The following NUF2 variants were observed in gnomAD, a reference collection of about 807,000 sequenced individuals.
The protein encoded by NUF2 is NUF2 component of NDC80 kinetochore complex, also known as kinetochore protein Nuf2.
Under a neutral mutation model 61.8 loss-of-function variants are expected in NUF2, and 34 were observed. That is an observed-to-expected ratio of 0.55 (90% CI 0.42 to 0.73). The LOEUF (loss-of-function observed/expected upper bound fraction) is 0.73, where lower values mean the gene tolerates loss of function less well. NUF2 is among the 30% of genes least tolerant of loss of function. The pLI, the probability that NUF2 is intolerant of heterozygous loss-of-function variation, is 0.00. For missense variants in NUF2, 445 were observed against 539.1 expected (o/e 0.83, Z 1.73); for synonymous variants, 172 against 181.6 (o/e 0.95, Z 0.42).
At chr1:163,353,421 T>C (rs1250995944) in intron 13 of NUF2, among the ~76,000 whole-genome samples, 1 of 152,212 alleles carries the variant, frequency 6.6e-6, no homozygotes, top group Non-Finnish European at 1.5e-5. Context: ...TCTTCTGTAT[T>C]GCTGAATACT....
chr1:163,344,235 A>T (rs1651044357), intron 10 of NUF2, among the ~76,000 whole-genome samples: 1 of 152,138 alleles, frequency 6.6e-6, no homozygotes, highest in Non-Finnish European at 1.5e-5. Flanking sequence ...TAAGGTATGC[A>T]TGTGTGTAGG....
chr1:163,336,626 G>A (rs1165316475), intron 5 of NUF2, 125 bp from the exon 6 acceptor site: 2 of 569,872 alleles, frequency 3.5e-6, no homozygotes, highest in Non-Finnish European at 6.2e-6. Flanking sequence ...TCTACACTTT[G>A]TTATATCCTA....
chr1:163,345,735 T>A lies in NUF2; in HGVS notation c.865T>A (p.Cys289Ser), dbSNP rs751231056. ...YGDSVDCLPS[C>S]QLEVQLYQKK... is the part of the protein sequence containing the mutation. ...AGACTCAGTTGACTGCCTGCCTTCA[T>A]GTCAGTTGGAAGTGCAGTTATATCA... The change falls in exon 11 of 14, where the codon TGT (cysteine) becomes AGT (serine). Residue 289 changes from cysteine to serine, a missense_variant. Physicochemically the swap from Cys to Ser is moderately radical, Grantham distance 112 (BLOSUM62 -1). Transcript: ENST00000271452. The A allele has an allele frequency of 1.2e-6, 2 of 1,612,162 alleles. No individual in the cohort carries two copies. Among genetic ancestry groups the A allele is most frequent in the Non-Finnish European group, 8.5e-7 (1 of 1,178,374 alleles).
intron 6 of NUF2, among the ~76,000 whole-genome samples, chr1:163,337,428 A>G (rs978416808): frequency 5.3e-5 from 8 of 152,118 alleles, no homozygotes; most frequent in Admixed American, 2.6e-4. Context: ...AAAACACCAG[A>G]GTAACTCCAA....
At chr1:163,330,047 G>T (rs567024955) in intron 5 of NUF2, among the ~76,000 whole-genome samples, 32 of 152,138 alleles carry the variant, frequency 2.1e-4, no homozygotes, top group Non-Finnish European at 3.4e-4. Flanking sequence ...AGGGAGGGAT[G>T]AATAGGATCC....
chr1:163,338,310 G>T (rs2101678546), intron 7 of NUF2, among the ~76,000 whole-genome samples: 1 of 147,806 alleles, frequency 6.8e-6, no homozygotes, highest in African/African-American at 2.5e-5. Flanking sequence ...GGCTTTTGTT[G>T]TTGTTGTTGT....
Position 163,355,658 on chromosome 1 carries a change from A to T in NUF2, c.*189A>T. On this transcript the variant is annotated 3_prime_UTR_variant, in exon 14 of 14. Transcript: ENST00000271452. ...GCTTTTATTAATTTATAATTAAAAT[A>T]ACTTGTGCAGCTATTCATGTCTCTA... 2.6e-6 allele frequency: 1 copy of T among 381,288 alleles called. No homozygotes were observed. The highest frequency in any genetic ancestry group is 4.7e-6 in the Non-Finnish European group (1 of 212,412). The allele number at this position is 381,288 out of a possible 1,614,324, so 23.6% of individuals were successfully genotyped here.
rs531983580 is a variant in NUF2, at chr1:163,336,127, G to A, written c.338-624G>A. 7.9e-5 allele frequency among the ~76,000 whole-genome samples: 12 copies of A among 151,952 alleles called. No individual in the cohort carries two copies. In the South Asian group the frequency reaches 2.5e-3, roughly 32 times the overall value. On this transcript the variant is annotated intron_variant, in intron 5 of 13. Coordinates refer to ENST00000271452, the MANE Select transcript of NUF2 (RefSeq NM_145697.3). ...TGGATCATGTCCTTTTTCTTGGCATGTCTGGTTATTTTTAGCAGATGCCAG... is the reference window on the plus strand; with the variant it reads ...TGGATCATGTCCTTTTTCTTGGCATATCTGGTTATTTTTAGCAGATGCCAG...
chr1:163,352,853 G>A (rs10917732), intron 13 of NUF2, among the ~76,000 whole-genome samples: 45,026 of 151,220 alleles, frequency 0.3, 6,868 homozygotes, highest in Middle Eastern at 0.43. Flanking sequence ...GCGACAGAGC[G>A]AGACTCCGTC....
chr1:163,328,637 T>C (rs1650503240), intron 4 of NUF2: 1 of 512,964 alleles, frequency 1.9e-6, no homozygotes, highest in Non-Finnish European at 3.4e-6. Context: ...AACTATACTT[T>C]AGTATTGCAT....
intron 5 of NUF2, among the ~76,000 whole-genome samples, chr1:163,332,904 C>G (rs984331720): frequency 6.6e-6 from 1 of 152,144 alleles, no homozygotes; most frequent in African/African-American, 2.4e-5. Context: ...ATTCAGCCCA[C>G]CACATGGTCT....
chr1:163,342,094 A>AAGGAC (rs1218727764), intron 9 of NUF2, among the ~76,000 whole-genome samples: 13 of 152,174 alleles, frequency 8.5e-5, no homozygotes, highest in African/African-American at 3.1e-4. Flanking sequence ...TGTACATAGA[A>AAGGAC]AGGACGGTCC....
intron 11 of NUF2, among the ~76,000 whole-genome samples, chr1:163,346,972 T>C (rs1651156184): frequency 6.6e-6 from 1 of 152,182 alleles, no homozygotes; most frequent in Non-Finnish European, 1.5e-5. Flanking sequence ...ATACTTTCCA[T>C]TTAATATTTT....
At chr1:163,343,581 G>C (rs750665559) in intron 9 of NUF2, 152 bp from the exon 10 acceptor site, 1 of 359,024 alleles carries the variant, frequency 2.8e-6, no homozygotes, top group Non-Finnish European at 5.1e-6. Context: ...ATAGACAAAT[G>C]TGAGCAATTA....
chr1:163,323,589 G>T (rs61812213), intron 1 of NUF2, among the ~76,000 whole-genome samples: 14,315 of 152,060 alleles, frequency 0.094, 945 homozygotes, highest in South Asian at 0.21. Flanking sequence ...GGTAGTGTGT[G>T]CCTGCTGTCG....
At position 163,345,738 on chromosome 1, in the gene NUF2, C is replaced by G. The variant is rs1257500481; in HGVS notation, c.868C>G (p.Gln290Glu). 1 of 1,610,518 alleles carries G rather than the reference C, an allele frequency of 6.2e-7. No individual in the cohort carries two copies. Among genetic ancestry groups the G allele is most frequent in the African/African-American group, 1.3e-5 (1 of 74,900 alleles). ...GDSVDCLPSCQLEVQLYQKKI... is the reference protein window; with the variant it reads ...GDSVDCLPSCELEVQLYQKKI... Reference sequence around the variant, plus strand: ...CTCAGTTGACTGCCTGCCTTCATGTCAGTTGGAAGTGCAGTTATATCAAAA... The same window carrying G: ...CTCAGTTGACTGCCTGCCTTCATGTGAGTTGGAAGTGCAGTTATATCAAAA... Residue 290 changes from glutamine to glutamate, a missense_variant, in exon 11 of 14, where the codon CAG becomes GAG. Physicochemically the swap from Gln to Glu is conservative, Grantham distance 29 (BLOSUM62 2). Coordinates refer to ENST00000271452, the MANE Select transcript of NUF2 (RefSeq NM_145697.3).
intron 10 of NUF2, among the ~76,000 whole-genome samples, 164 bp from the exon 11 acceptor site, chr1:163,345,512 CAT>C (rs1651093232): frequency 6.6e-6 from 1 of 152,108 alleles, no homozygotes; most frequent in Admixed American, 6.5e-5. Flanking sequence ...TGCTTAAACA[CAT>C]GTCAGTAATA....
At chr1:163,349,870 A>G (rs1651253872) in intron 13 of NUF2, among the ~76,000 whole-genome samples, 1 of 151,942 alleles carries the variant, frequency 6.6e-6, no homozygotes, top group Admixed American at 6.6e-5. Context: ...TTTCACGTCC[A>G]TGGTCTTCCC....
Position 163,340,508 on chromosome 1 carries a change from G to GTTT in NUF2, c.669+82_669+83insTTT, listed in dbSNP as rs1239888921. 76 of 905,842 alleles carry GTTT rather than the reference G, an allele frequency of 8.4e-5. No individual in the cohort carries two copies. In the Middle Eastern group the frequency reaches 9.0e-4, roughly 11 times the overall value. 56.1% of individuals were successfully genotyped at this position (905,842 alleles called of 1,614,324 possible). On this transcript the variant is annotated intron_variant, in intron 9 of 13. Transcript: ENST00000271452. The stretch of plus-strand genomic sequence containing the variant: ...TATTTTAGCTGTGTGTGTTATTATG[G>GTTT]GCAAATGTTTCTCCCTTTTTCCCTT...
Sources: gnomAD v4.1 joint callset for allele counts (sites outside exome capture counted in the v4.1 genomes callset) on GRCh38, gnomAD v4.1.1 for gene constraint, MANE v1.5 for transcripts, NCBI Gene and HGNC (gene_info 2026-07-23, HGNC 2026-07-21) for gene names.